SLC15A4: variants seen among roughly 807,000 people sequenced by gnomAD.
SLC15A4 encodes the protein solute carrier family 15 member 4.
SLC15A4 carries 26 observed loss-of-function variants against 46.1 expected under a neutral mutation model. The observed-to-expected ratio is 0.56, with a 90% CI of 0.41 to 0.78. SLC15A4 has a LOEUF of 0.78. Ranked by LOEUF, SLC15A4 falls within the 30% of genes least tolerant of loss-of-function variation. SLC15A4 has a pLI of 0.00. For synonymous variants in SLC15A4, 370 were observed against 333.4 expected, an observed-to-expected ratio of 1.11 and a Z score of -1.20; for missense variants, 751 against 755.7, an observed-to-expected ratio of 0.99 and a Z score of 0.07.
intron 1 of SLC15A4, among the ~76,000 whole-genome samples, chr12:128,820,469 G>A (rs1487982322): frequency 2.6e-5 from 4 of 152,132 alleles, no homozygotes; most frequent in South Asian, 4.1e-4. Flanking sequence ...CATTTCTAAC[G>A]TCATTCTAAG....
chr12:128,812,614 C>G (rs1955674781), intron 2 of SLC15A4, among the ~76,000 whole-genome samples: 1 of 152,190 alleles, frequency 6.6e-6, no homozygotes, highest in Non-Finnish European at 1.5e-5. Flanking sequence ...CCACGCCCAG[C>G]CTGGAGGCCC....
At chr12:128,821,993 T>C (rs1955848506) in intron 1 of SLC15A4, among the ~76,000 whole-genome samples, 2 of 152,164 alleles carry the variant, frequency 1.3e-5, no homozygotes, top group African/African-American at 4.8e-5. Context: ...CTGTAGTGCC[T>C]GCTCTGCACA....
intron 1 of SLC15A4, among the ~76,000 whole-genome samples, chr12:128,821,140 G>A (rs1336102192): frequency 6.6e-6 from 1 of 152,162 alleles, no homozygotes; most frequent in Non-Finnish European, 1.5e-5. Context: ...CTAAACCAAA[G>A]AAACATCTTT....
chr12:128,822,343 G>C (rs372952354), intron 1 of SLC15A4, among the ~76,000 whole-genome samples: 10 of 152,264 alleles, frequency 6.6e-5, no homozygotes, highest in African/African-American at 1.9e-4. Context: ...CCACGAAGAC[G>C]CAATATGAGT....
In SLC15A4 at chr12:128,815,309, A is replaced by AGC. The variant is rs1386863804; in HGVS notation, c.547-240_547-239insGC. 2.1e-3 allele frequency: 346 copies of AGC among 161,146 alleles called. 2 individuals are homozygous for AGC. The highest frequency in any genetic ancestry group is 3.2e-3 in the Non-Finnish European group (276 of 85,028). 10.0% of individuals were successfully genotyped at this position (161,146 alleles called of 1,614,324 possible). A position where few individuals can be genotyped will look rare whatever the true frequency, so the allele number is the denominator to read the frequency against. ...ATTACACTAAATTCCAACAAATGCT[A>AGC]GAGAGTTTTTCCAAGTATATTCTGC... On this transcript the variant is annotated intron_variant, in intron 1 of 7. Transcript: ENST00000266771.
chr12:128,806,697 G>A (rs577684170), intron 5 of SLC15A4, among the ~76,000 whole-genome samples: 2 of 152,150 alleles, frequency 1.3e-5, no homozygotes, highest in East Asian at 1.9e-4. Flanking sequence ...AGGAAAGAAC[G>A]CCTGTTTCAG....
chr12:128,800,603 T>C (rs1166910113), intron 6 of SLC15A4, among the ~76,000 whole-genome samples: 2 of 152,234 alleles, frequency 1.3e-5, no homozygotes, highest in Non-Finnish European at 2.9e-5. Flanking sequence ...TTCTTCTCTG[T>C]CCTGTGGCAC....
rs138042982 is a variant in SLC15A4 at position 128,800,927 on chromosome 12, G to C, written c.1341C>G (p.Ala447=). The part of the protein sequence containing the change: ...QTIGNVVYHA[A]DLSLWWQVPQ... Reference sequence around the variant, plus strand: ...GCACCTGCCACCACAGCGACAGATCGGCAGCATGGTAGACGACGTTGCCGA... The same window carrying C: ...GCACCTGCCACCACAGCGACAGATCCGCAGCATGGTAGACGACGTTGCCGA... The change falls in exon 6 of 8, where the codon GCC becomes GCG. Residue 447 remains alanine (A), a synonymous_variant. Transcript: ENST00000266771. The C allele has an allele frequency of 1.2e-6, 2 of 1,614,136 alleles. No homozygotes were observed. Among genetic ancestry groups the C allele is most frequent in the East Asian group, 2.2e-5 (1 of 44,878 alleles).
chr12:128,799,433 G>C lies in SLC15A4; in HGVS notation c.1415-16C>G. The stretch of plus-strand genomic sequence containing the variant: ...AATTCCAGGCCTGAGGAAAGAAAAG[G>C]GAGGGTCGTTTTTGTGAAAGGGGCA... On this transcript the variant is annotated splice_polypyrimidine_tract_variant and intron_variant, in intron 6 of 7. Coordinates refer to ENST00000266771, the MANE Select transcript of SLC15A4 (RefSeq NM_145648.4). 5.0e-6 allele frequency: 8 copies of C among 1,613,506 alleles called. No homozygotes were observed. The highest frequency in any genetic ancestry group is 6.8e-6 in the Non-Finnish European group (8 of 1,179,718).
intron 1 of SLC15A4, among the ~76,000 whole-genome samples, chr12:128,818,369 G>T (rs1955787852): frequency 6.6e-6 from 1 of 152,202 alleles, no homozygotes; most frequent in Non-Finnish European, 1.5e-5. Context: ...CCTGGGAGAT[G>T]AAGAGGTAAG....
chr12:128,794,145 A>G lies in SLC15A4; in HGVS notation c.*51T>C. The G allele has an allele frequency of 6.5e-7, 1 of 1,538,194 alleles. No individual in the cohort carries two copies. The highest frequency in any genetic ancestry group is 8.8e-7 in the Non-Finnish European group (1 of 1,131,322). ...GTCTTGCCTGTTCTCAGTGCACCCC[A>G]GTCAGTTACTGACATGTCAGCCTCA... On this transcript the variant is annotated 3_prime_UTR_variant, in exon 8 of 8. Coordinates refer to ENST00000266771, the MANE Select transcript of SLC15A4 (RefSeq NM_145648.4).
At chr12:128,819,550 A>G (rs1486612462) in intron 1 of SLC15A4, 1 of 152,208 alleles carries the variant, frequency 6.6e-6, no homozygotes, top group Non-Finnish European at 1.5e-5. Context: ...ACATTGGTCC[A>G]TTATTAGCTA....
In SLC15A4 at chr12:128,809,453, T is replaced by C; in HGVS notation, c.1032A>G (p.Leu344=). The change falls in exon 4 of 8, where the codon TTA becomes TTG. Residue 344 remains leucine, a synonymous_variant. Coordinates refer to ENST00000266771, the MANE Select transcript of SLC15A4 (RefSeq NM_145648.4). ...CTGGAATCCTCAAATGAAGACTCTG[T>C]AAAACATATGTTGTCTGCATCTAGG... ...VYFQMQTTYV[L]QSLHLRIPEI... 1.2e-6 allele frequency: 2 copies of C among 1,608,298 alleles called. No homozygotes were observed. Among genetic ancestry groups the C allele is most frequent in the Non-Finnish European group, 1.7e-6 (2 of 1,177,068 alleles).
intron 7 of SLC15A4, 61 bp from the exon 8 acceptor site, chr12:128,794,417 C>A: frequency 6.6e-7 from 1 of 1,505,556 alleles, no homozygotes; most frequent in South Asian, 1.2e-5. Context: ...TTTTTCAAGA[C>A]TTTACTATTT....
Position 128,823,388 on chromosome 12 carries a change from C to A in SLC15A4, c.546+10G>T. ...CAGGGACAGGGACAGCGCGCGGGGG[C>A]GCGGCTCACCTGGTCGGCGCCGAAG... On this transcript the variant is annotated intron_variant, in intron 1 of 7. Coordinates refer to ENST00000266771, the MANE Select transcript of SLC15A4 (RefSeq NM_145648.4). 7.1e-7 allele frequency: 1 copy of A among 1,405,624 alleles called. No individual in the cohort carries two copies. Among genetic ancestry groups the A allele is most frequent in the Non-Finnish European group, 9.2e-7 (1 of 1,085,978 alleles). 87.1% of individuals were successfully genotyped at this position (1,405,624 alleles called of 1,614,324 possible). A position where few individuals can be genotyped will look rare whatever the true frequency, so the allele number is the denominator to read the frequency against.
intron 1 of SLC15A4, among the ~76,000 whole-genome samples, chr12:128,820,400 T>A (rs571112723): frequency 1.6e-4 from 24 of 152,226 alleles, no homozygotes; most frequent in African/African-American, 5.8e-4. Flanking sequence ...TCGTCACATA[T>A]GTAAAGCATA....
chr12:128,812,280 T>C (rs1293075780), intron 2 of SLC15A4, among the ~76,000 whole-genome samples: 1 of 152,218 alleles, frequency 6.6e-6, no homozygotes, highest in African/African-American at 2.4e-5. Context: ...GTTGGGTATG[T>C]CATGCTTCCT....
Position 128,823,497 on chromosome 12 carries a change from G to T in SLC15A4, c.447C>A (p.Ala149=). 6.7e-7 allele frequency: 1 copy of T among 1,484,614 alleles called. No individual in the cohort carries two copies. Among genetic ancestry groups the T allele is most frequent in the African/African-American group, 1.5e-5 (1 of 68,406 alleles). 92.0% of individuals were successfully genotyped at this position (1,484,614 alleles called of 1,614,324 possible). A position where few individuals can be genotyped will look rare whatever the true frequency, so the allele number is the denominator to read the frequency against. The change falls in exon 1 of 8, where the codon GCC becomes GCA. Residue 149 remains alanine, a synonymous_variant. Transcript: ENST00000266771. ...AGGTGGCCGGTGAGCAGCAGCGGGC[G>T]GCGGCGTCGGGACCAGGCGCCGTGC... ...LNCTAPGPDA[A]ARCCSPATFA...
At chr12:128,822,541 T>A (rs966224894) in intron 1 of SLC15A4, among the ~76,000 whole-genome samples, 5 of 152,126 alleles carry the variant, frequency 3.3e-5, no homozygotes, top group Non-Finnish European at 5.9e-5. Context: ...TTCATTTATT[T>A]TTTATTTATT....
Sources: gnomAD v4.1 joint callset for allele counts (sites outside exome capture counted in the v4.1 genomes callset) on GRCh38, gnomAD v4.1.1 for gene constraint, MANE v1.5 for transcripts, NCBI Gene and HGNC (gene_info 2026-07-23, HGNC 2026-07-21) for gene names.